The following RBFOX1 variants were observed in gnomAD, a reference collection of about 807,000 sequenced individuals.
The protein encoded by RBFOX1 is RNA binding fox-1 homolog 1.
In RBFOX1, 8 loss-of-function variants were observed where a neutral mutation model predicts 57.7. The ratio of observed to expected loss-of-function variants is 0.14; its 90% confidence interval spans 0.08 to 0.25. RBFOX1 has a LOEUF of 0.25. Among genes scored for constraint, RBFOX1 ranks in the 10% least tolerant of loss-of-function variants. The pLI is 1.00. For synonymous variants in RBFOX1, 326 were observed against 222.4 expected (o/e 1.47, Z -4.15); for missense variants, 611 against 548.5 (o/e 1.11, Z -1.14).
intron 3 of RBFOX1, among the ~76,000 whole-genome samples, chr16:5,803,475 A>T (rs79376696): frequency 0.067 from 10,203 of 152,216 alleles, 593 homozygotes; most frequent in African/African-American, 0.15. Context: ...CTGTTTCCTC[A>T]TCCATTTTTA....
At chr16:6,648,632 C>T (rs1476558072) in intron 2 of RBFOX1, among the ~76,000 whole-genome samples, 1 of 152,162 alleles carries the variant, frequency 6.6e-6, no homozygotes, top group African/African-American at 2.4e-5. Context: ...GACGGGCCCT[C>T]ACCCTTTGAA....
At chr16:6,354,464 C>T (rs926128872) in intron 2 of RBFOX1, among the ~76,000 whole-genome samples, 4 of 152,062 alleles carry the variant, frequency 2.6e-5, no homozygotes, top group Admixed American at 6.6e-5. Flanking sequence ...TGTTCCAAAA[C>T]GCTGTCTTGA....
At chr16:6,618,221 A>G (rs2098171865) in intron 2 of RBFOX1, among the ~76,000 whole-genome samples, 1 of 152,184 alleles carries the variant, frequency 6.6e-6, no homozygotes. Flanking sequence ...TCTACCCATC[A>G]CTGATACTTA....
chr16:5,766,617 G>A (rs920079827), intron 3 of RBFOX1, among the ~76,000 whole-genome samples: 2 of 152,078 alleles, frequency 1.3e-5, no homozygotes, highest in African/African-American at 2.4e-5. Context: ...ATGAAAAACA[G>A]ATCTCTTGAC....
chr16:5,797,438 G>A (rs2054915793), intron 3 of RBFOX1, among the ~76,000 whole-genome samples: 1 of 152,188 alleles, frequency 6.6e-6, no homozygotes, highest in Non-Finnish European at 1.5e-5. Context: ...TCCTGTAACT[G>A]AAGGTGTGTT....
chr16:5,621,089 C>A (rs955065881), intron 3 of RBFOX1, among the ~76,000 whole-genome samples: 1 of 152,208 alleles, frequency 6.6e-6, no homozygotes, highest in African/African-American at 2.4e-5. Flanking sequence ...ATCCGCCTGC[C>A]TTGGCCTCCC....
chr16:6,533,074 G>T (rs1352487279), intron 2 of RBFOX1, among the ~76,000 whole-genome samples: 1 of 152,172 alleles, frequency 6.6e-6, no homozygotes, highest in Non-Finnish European at 1.5e-5. Flanking sequence ...AAGCACACTT[G>T]GCATAGCCAG....
At chr16:6,879,765 C>G (rs138986245) in intron 3 of RBFOX1, among the ~76,000 whole-genome samples, 11 of 152,174 alleles carry the variant, frequency 7.2e-5, no homozygotes, top group African/African-American at 2.2e-4. Context: ...CTGGCTGTTA[C>G]TAACCCTTCC....
intron 3 of RBFOX1, among the ~76,000 whole-genome samples, chr16:5,645,203 C>T (rs1054967653): frequency 6.6e-5 from 10 of 151,530 alleles, no homozygotes; most frequent in East Asian, 3.9e-4. Flanking sequence ...GAGCCAAGAT[C>T]GTGACATTGC....
chr16:6,526,507 T>C (rs1173475249), intron 2 of RBFOX1, among the ~76,000 whole-genome samples: 1 of 152,110 alleles, frequency 6.6e-6, no homozygotes, highest in Non-Finnish European at 1.5e-5. Flanking sequence ...AGATGCTTTA[T>C]ACACAATATC....
At chr16:7,629,456 C>T (rs1013230880) in intron 10 of RBFOX1, among the ~76,000 whole-genome samples, 4 of 152,104 alleles carry the variant, frequency 2.6e-5, no homozygotes, top group Non-Finnish European at 2.9e-5. Flanking sequence ...ATTGCTTTCC[C>T]GTTGCGGTCC....
At chr16:7,273,210 C>CTTCT in intron 4 of RBFOX1, among the ~76,000 whole-genome samples, 1 of 102,024 alleles carries the variant, frequency 9.8e-6, no homozygotes, top group South Asian at 4.2e-4. Context: ...CCCTCCCTTC[C>CTTCT]TTCCTTCCTT....
intron 2 of RBFOX1, among the ~76,000 whole-genome samples, chr16:6,435,597 C>T (rs867866227): frequency 2.0e-5 from 3 of 152,120 alleles, no homozygotes. Context: ...AGCCACCATG[C>T]CTGGCCAGTA....
chr16:7,109,972 C>T (rs1324526683), intron 4 of RBFOX1, among the ~76,000 whole-genome samples: 1 of 152,102 alleles, frequency 6.6e-6, no homozygotes, highest in Non-Finnish European at 1.5e-5. Flanking sequence ...ATTAAGGACA[C>T]TGCAGAGTAA....
At chr16:7,350,864 G>A (rs1423121056) in intron 4 of RBFOX1, among the ~76,000 whole-genome samples, 1 of 152,184 alleles carries the variant, frequency 6.6e-6, no homozygotes, top group African/African-American at 2.4e-5. Context: ...ATTTTGTGTG[G>A]CTTCAGGGGA....
intron 3 of RBFOX1, among the ~76,000 whole-genome samples, chr16:6,666,928 G>C (rs1015854377): frequency 2.6e-5 from 4 of 152,164 alleles, no homozygotes; most frequent in African/African-American, 9.7e-5. Flanking sequence ...TCCAAGCAGT[G>C]CCTCACTTGC....
At chr16:5,891,698 G>T (rs1450051360) in intron 4 of RBFOX1, among the ~76,000 whole-genome samples, 1 of 152,142 alleles carries the variant, frequency 6.6e-6, no homozygotes, top group African/African-American at 2.4e-5. Context: ...CTCATGAAGG[G>T]ATCCACCTGG....
intron 1 of RBFOX1, among the ~76,000 whole-genome samples, chr16:6,117,684 C>T (rs553281117): frequency 6.6e-6 from 1 of 152,370 alleles, no homozygotes; most frequent in Admixed American, 6.5e-5. Flanking sequence ...AACTTCCCAG[C>T]CTCCAGAACT....
At chr16:5,557,029 G>T (rs899578564) in intron 2 of RBFOX1, among the ~76,000 whole-genome samples, 3 of 152,140 alleles carry the variant, frequency 2.0e-5, no homozygotes, top group African/African-American at 7.2e-5. Flanking sequence ...GGAGGCTGAG[G>T]CAGGCGGATC....
Sources: gnomAD v4.1 joint callset for allele counts (sites outside exome capture counted in the v4.1 genomes callset) on GRCh38, gnomAD v4.1.1 for gene constraint, MANE v1.5 for transcripts, NCBI Gene and HGNC (gene_info 2026-07-23, HGNC 2026-07-21) for gene names.